The following MCCC2 variants were observed in gnomAD, a reference collection of about 807,000 sequenced individuals.
MCCC2 encodes the protein methylcrotonyl-CoA carboxylase subunit 2, also known as methylcrotonoyl-CoA carboxylase beta chain, mitochondrial.
In MCCC2, 52 loss-of-function variants were observed where a neutral mutation model predicts 77.2. The ratio of observed to expected loss-of-function variants is 0.67; its 90% CI spans 0.54 to 0.85. The LOEUF is 0.85. MCCC2 is among the 40% of genes least tolerant of loss of function. The pLI, the probability that MCCC2 is intolerant of heterozygous loss-of-function variation, is 0.00. For missense variants in MCCC2, 682 were observed against 703.2 expected (o/e 0.97, Z 0.34); for synonymous variants, 253 against 248.4 (o/e 1.02, Z -0.18).
intron 15 of MCCC2, among the ~76,000 whole-genome samples, chr5:71,650,396 G>T (rs965050187): frequency 3.9e-5 from 6 of 152,102 alleles, no homozygotes; most frequent in African/African-American, 1.4e-4. Flanking sequence ...TTCATTTGGG[G>T]TACTTTCTTT....
At chr5:71,650,710 A>G (rs915640618) in intron 15 of MCCC2, among the ~76,000 whole-genome samples, 13 of 152,016 alleles carry the variant, frequency 8.6e-5, no homozygotes, top group Admixed American at 2.0e-4. Flanking sequence ...GTGCAGTGGC[A>G]CGATCTCGGC....
At position 71,617,057 on chromosome 5, in the gene MCCC2, A is replaced by G. The variant is rs1007927396; in HGVS notation, c.625-9583A>G. On this transcript the variant is annotated intron_variant, in intron 6 of 16. Transcript: ENST00000340941. Reference sequence around the variant, plus strand: ...CTATTTGCTACAAAACAAAGCTCATACTTCTTAGCCCGATACTTAAGCCCC... The same window carrying G: ...CTATTTGCTACAAAACAAAGCTCATGCTTCTTAGCCCGATACTTAAGCCCC... Among the ~76,000 whole-genome samples, 53 of 152,240 alleles carry G rather than the reference A, an allele frequency of 3.5e-4. 1 individual carries two copies. Among genetic ancestry groups the G allele is most frequent in the African/African-American group, 1.2e-3 (50 of 41,544 alleles).
intron 13 of MCCC2, 95 bp from the exon 14 acceptor site, chr5:71,649,002 G>A: frequency 1.4e-6 from 2 of 1,387,648 alleles, no homozygotes; most frequent in Non-Finnish European, 2.1e-6. Flanking sequence ...CATTTAGTAA[G>A]ATGAGTTTAG....
chr5:71,593,904 G>C (rs1438568617), intron 2 of MCCC2, among the ~76,000 whole-genome samples: 1 of 152,120 alleles, frequency 6.6e-6, no homozygotes, highest in Non-Finnish European at 1.5e-5. Flanking sequence ...AAGAAGACTG[G>C]ATTTGGAAAG....
At chr5:71,611,607 A>G (rs532443383) in intron 6 of MCCC2, among the ~76,000 whole-genome samples, 2 of 152,286 alleles carry the variant, frequency 1.3e-5, no homozygotes, top group African/African-American at 4.8e-5. Flanking sequence ...GCTATTTACT[A>G]TGTATGTAAA....
At chr5:71,612,055 C>T (rs958002170) in intron 6 of MCCC2, among the ~76,000 whole-genome samples, 18 of 152,212 alleles carry the variant, frequency 1.2e-4, no homozygotes, top group South Asian at 2.1e-4. Flanking sequence ...CCGCCCGCCT[C>T]GGCCTCCCAA....
chr5:71,596,153 C>A, intron 2 of MCCC2, 127 bp from the exon 3 acceptor site: 1 of 840,546 alleles, frequency 1.2e-6, no homozygotes, highest in Non-Finnish European at 2.0e-6. Flanking sequence ...TGATTATTAG[C>A]CTTTTCTCAG....
chr5:71,632,738 G>A (rs157049), intron 8 of MCCC2, among the ~76,000 whole-genome samples: 63,346 of 151,858 alleles, frequency 0.42, 13,483 homozygotes, highest in South Asian at 0.47. Context: ...GCTGATTTCA[G>A]GCTGCCAACA....
Position 71,635,192 on chromosome 5 carries a change from T to A in MCCC2, c.945T>A (p.Asp315Glu), listed in dbSNP as rs747973684. The change falls in exon 10 of 17, where the codon GAT becomes GAA. Residue 315 changes from aspartate to glutamate, a missense_variant. Physicochemically the swap from Asp to Glu is conservative, Grantham distance 45. Transcript: ENST00000340941. The stretch of plus-strand genomic sequence containing the variant: ...CTGAAGAGCCTTTATTTCCTGCTGA[T>A]GAATTGTATGGAATAGTTGGTGCTA... ...EPSEEPLFPA[D>E]ELYGIVGANL... 4 of 1,614,018 alleles carry A rather than the reference T, an allele frequency of 2.5e-6. No individual in the cohort carries two copies. The African/African-American group carries it at 4.0e-5, about 16-fold the overall frequency.
chr5:71,597,861 A>T (rs1172190976), intron 3 of MCCC2, among the ~76,000 whole-genome samples: 1 of 152,150 alleles, frequency 6.6e-6, no homozygotes, highest in African/African-American at 2.4e-5. Context: ...TATCTTGACC[A>T]TGTAAGTAAG....
rs990770036 is a variant in MCCC2 at position 71,643,832 on chromosome 5, A to G, written c.1086A>G (p.Ile362Met). 1 of 1,614,118 alleles carries G rather than the reference A, an allele frequency of 6.2e-7. No homozygotes were observed. Among genetic ancestry groups the G allele is most frequent in the South Asian group, 1.1e-5 (1 of 91,078 alleles). ...CTTTCTTTTGAGGATTTGCTCGAAT[A>G]TTTGGGTACCCAGTAGGTATCGTTG... ...GDTLVTGFAR[I>M]FGYPVGIVGN... The change falls in exon 12 of 17, where the codon ATA becomes ATG. Residue 362 changes from isoleucine (I) to methionine (M), a missense_variant. Physicochemically the swap from Ile to Met is conservative, Grantham distance 10. Coordinates refer to ENST00000340941, the MANE Select transcript of MCCC2 (RefSeq NM_022132.5).
At chr5:71,590,066 A>G (rs1257803925) in intron 1 of MCCC2, among the ~76,000 whole-genome samples, 1 of 152,154 alleles carries the variant, frequency 6.6e-6, no homozygotes, top group Non-Finnish European at 1.5e-5. Context: ...CAGCTTCACA[A>G]GAAAATTACT....
chr5:71,611,675 C>T (rs1346946158), intron 6 of MCCC2, among the ~76,000 whole-genome samples: 6 of 151,862 alleles, frequency 4.0e-5, no homozygotes, highest in South Asian at 2.1e-4. Flanking sequence ...CACGTGGGAG[C>T]GATACACTCA....
intron 7 of MCCC2, among the ~76,000 whole-genome samples, chr5:71,631,064 T>C (rs1746689690): frequency 6.6e-6 from 1 of 152,242 alleles, no homozygotes; most frequent in Non-Finnish European, 1.5e-5. Flanking sequence ...CACATTCTGC[T>C]AGATCTTAGG....
At position 71,656,812 on chromosome 5, in the gene MCCC2, C is replaced by T. The variant is rs370141246; in HGVS notation, c.1644C>T (p.Ala548=). The T allele has an allele frequency of 2.5e-6, 4 of 1,613,914 alleles. No homozygotes were observed. In the African/African-American group the frequency reaches 4.0e-5, roughly 16 times the overall value. ...RLVLGLSFSA[A]LNAPIEKTDF... ...TCTTGGGTCTCAGTTTTAGTGCAGCCCTCAACGCACCAATAGAGAAGACTG... is the reference window on the plus strand; with the variant it reads ...TCTTGGGTCTCAGTTTTAGTGCAGCTCTCAACGCACCAATAGAGAAGACTG... Residue 548 remains alanine (A), a synonymous_variant, in exon 17 of 17, where the codon GCC becomes GCT. Transcript: ENST00000340941.
chr5:71,609,268 T>A (rs941979072), intron 6 of MCCC2, among the ~76,000 whole-genome samples: 6 of 149,988 alleles, frequency 4.0e-5, no homozygotes, highest in Non-Finnish European at 7.5e-5. Context: ...TGCTCATTTC[T>A]TTTTATTCTT....
intron 6 of MCCC2, among the ~76,000 whole-genome samples, chr5:71,615,789 T>C (rs1473903331): frequency 6.6e-6 from 1 of 152,176 alleles, no homozygotes; most frequent in Non-Finnish European, 1.5e-5. Flanking sequence ...TCTTTTGTTC[T>C]ATGATTTGGT....
chr5:71,610,036 GC>G lies in MCCC2; in HGVS notation c.624+5573del, dbSNP rs954593650. ...CTGTCTTTTTGTTTGTCTGTGCCCT[GC>G]CCCCAGAGGGGAGCCTACAGAGGCA... On this transcript the variant is annotated intron_variant, in intron 6 of 16. Transcript: ENST00000340941. 4.0e-3 allele frequency among the ~76,000 whole-genome samples: 617 copies of G among 152,370 alleles called. 6 individuals are homozygous for G. Among genetic ancestry groups the G allele is most frequent in the African/African-American group, 0.014 (586 of 41,594 alleles).
chr5:71,648,082 C>G (rs1453905298), intron 13 of MCCC2, among the ~76,000 whole-genome samples: 1 of 152,176 alleles, frequency 6.6e-6, no homozygotes, highest in East Asian at 1.9e-4. Flanking sequence ...AGGATAGCTG[C>G]AGGAAGCAGA....
Sources: allele counts gnomAD v4.1 joint callset (sites outside exome capture counted in the v4.1 genomes callset), GRCh38; gene constraint gnomAD v4.1.1; transcripts MANE v1.5; gene names NCBI Gene and HGNC (gene_info 2026-07-23, HGNC 2026-07-21).